TRIP4: variants seen among roughly 807,000 people sequenced by gnomAD.
TRIP4 encodes the protein activating signal cointegrator 1.
TRIP4 carries 54 observed loss-of-function variants against 81.8 expected under a neutral mutation model. The observed-to-expected ratio is 0.66, with a 90% CI of 0.53 to 0.83. The LOEUF (loss-of-function observed/expected upper bound fraction) is 0.83, where lower values mean the gene tolerates loss of function less well. Ranked by LOEUF, TRIP4 falls within the 40% of genes least tolerant of loss-of-function variation. The pLI is 0.00. For synonymous variants in TRIP4, 270 were observed against 242.8 expected (o/e 1.11, Z -1.04); for missense variants, 662 against 683.6 (o/e 0.97, Z 0.35).
At position 64,418,764 on chromosome 15, in the gene TRIP4, T is replaced by G. The variant is rs1206205635; in HGVS notation, c.1358+36T>G. The G allele has an allele frequency of 7.2e-6, 11 of 1,527,878 alleles. No homozygotes were observed. The South Asian group carries it at 1.4e-4, about 19-fold the overall frequency. 94.6% of individuals were successfully genotyped at this position (1,527,878 alleles called of 1,614,324 possible). A position where few individuals can be genotyped will look rare whatever the true frequency, so the allele number is the denominator to read the frequency against. ...AAATGAATCTGGGCAGTGGAAGATC[T>G]TAGAGTGACATAAATTTAATTTAGA... On this transcript the variant is annotated intron_variant, in intron 9 of 12. Transcript: ENST00000261884.
At chr15:64,437,714 G>A (rs1892434426) in intron 11 of TRIP4, among the ~76,000 whole-genome samples, 2 of 152,120 alleles carry the variant, frequency 1.3e-5, no homozygotes, top group Non-Finnish European at 2.9e-5. Context: ...GGCTGGTCTG[G>A]AACTACTGTC....
chr15:64,443,177 T>G (rs1196434562), intron 11 of TRIP4, among the ~76,000 whole-genome samples: 1 of 152,078 alleles, frequency 6.6e-6, no homozygotes, highest in East Asian at 1.9e-4. Flanking sequence ...TTGATGAATT[T>G]TGTTGTAATG....
intron 12 of TRIP4, 86 bp from the exon 13 acceptor site, chr15:64,454,911 C>A: frequency 8.4e-7 from 1 of 1,197,538 alleles, no homozygotes; most frequent in South Asian, 1.3e-5. Flanking sequence ...GACAGGAACA[C>A]AGTAACCAGA....
chr15:64,414,649 T>C (rs1891852928), intron 8 of TRIP4, among the ~76,000 whole-genome samples: 1 of 150,548 alleles, frequency 6.6e-6, no homozygotes, highest in Admixed American at 6.7e-5. Flanking sequence ...CCTGAGTAGC[T>C]GGGACTACAG....
intron 7 of TRIP4, among the ~76,000 whole-genome samples, chr15:64,413,854 G>A (rs181674484): frequency 2.8e-3 from 429 of 152,178 alleles, no homozygotes; most frequent in Non-Finnish European, 5.4e-3. Context: ...CCAAAGTCCT[G>A]GAATTACAGG....
intron 1 of TRIP4, chr15:64,388,181 G>A: frequency 1.3e-6 from 1 of 761,870 alleles, no homozygotes; most frequent in Non-Finnish European, 1.8e-6. Flanking sequence ...CTTTTTTCCT[G>A]GGAAGACGCC....
At chr15:64,399,413 C>T (rs1260579212) in intron 4 of TRIP4, among the ~76,000 whole-genome samples, 1 of 152,262 alleles carries the variant, frequency 6.6e-6, no homozygotes, top group South Asian at 2.1e-4. Context: ...GGCAGGAACT[C>T]TGTGTGTCAT....
At chr15:64,394,501 A>G (rs976135767) in intron 2 of TRIP4, among the ~76,000 whole-genome samples, 1 of 150,810 alleles carries the variant, frequency 6.6e-6, no homozygotes, top group Non-Finnish European at 1.5e-5. Context: ...GCTACTCAGG[A>G]GGCTGAGGCA....
chr15:64,451,704 A>T (rs566784162), intron 12 of TRIP4, among the ~76,000 whole-genome samples: 4 of 149,698 alleles, frequency 2.7e-5, no homozygotes, highest in Admixed American at 2.7e-4. Context: ...CCCAGGCTGG[A>T]GTGCAATGGT....
At chr15:64,397,936 T>C in intron 4 of TRIP4, 118 bp downstream of exon 4, 1 of 1,157,984 alleles carries the variant, frequency 8.6e-7, no homozygotes, top group Non-Finnish European at 1.2e-6. Context: ...AGTCTCACTT[T>C]GTCGCCCAGG....
At chr15:64,433,713 G>GAGT (rs1179913987) in intron 11 of TRIP4, among the ~76,000 whole-genome samples, 2 of 152,212 alleles carry the variant, frequency 1.3e-5, no homozygotes, top group African/African-American at 4.8e-5. Context: ...CAAGGATGAG[G>GAGT]AGTAATGGGA....
intron 7 of TRIP4, among the ~76,000 whole-genome samples, chr15:64,411,765 C>T (rs180758275): frequency 3.8e-4 from 57 of 151,844 alleles, no homozygotes; most frequent in South Asian, 1.3e-3. Context: ...CTGCAAGCTC[C>T]GCCTCCCAGA....
At chr15:64,447,825 C>T (rs1892667011) in intron 12 of TRIP4, among the ~76,000 whole-genome samples, 1 of 152,206 alleles carries the variant, frequency 6.6e-6, no homozygotes, top group East Asian at 1.9e-4. Context: ...AATCCTCCCA[C>T]CTCAGCCCCC....
chr15:64,406,392 C>A lies in TRIP4; in HGVS notation c.760C>A (p.Arg254=), dbSNP rs869312827. Residue 254 remains arginine (R), a synonymous_variant, in exon 6 of 13, where the codon CGA becomes AGA. Coordinates refer to ENST00000261884, the MANE Select transcript of TRIP4 (RefSeq NM_016213.5). ...GGACCTTCTTCCTCATCAAGAATTGCGAATTAAGTCTGGTCTGGAGAAGGC... is the reference window on the plus strand; with the variant it reads ...GGACCTTCTTCCTCATCAAGAATTGAGAATTAAGTCTGGTCTGGAGAAGGC... ...TKDLLPHQEL[R]IKSGLEKAIK... 3 of 1,613,996 alleles carry A rather than the reference C, an allele frequency of 1.9e-6. No homozygotes were observed. The highest frequency in any genetic ancestry group is 2.5e-6 in the Non-Finnish European group (3 of 1,179,992).
rs1398484527 is a variant in TRIP4 at position 64,409,821 on chromosome 15, C to T, written c.1036C>T (p.His346Tyr). 6.2e-7 allele frequency: 1 copy of T among 1,613,906 alleles called. No individual in the cohort carries two copies. The highest frequency in any genetic ancestry group is 8.5e-7 in the Non-Finnish European group (1 of 1,179,944). Residue 346 changes from histidine to tyrosine, a missense_variant, in exon 7 of 13, where the codon CAT (histidine) becomes TAT (tyrosine). By Grantham distance (83) the His-to-Tyr change is moderately conservative. Transcript: ENST00000261884. The part of the protein sequence containing the change: ...LEEENSLAEY[H>Y]SRLDETIQAI... ...AGAAGAAAATTCACTAGCAGAGTATCATAGCAGGTAAGTGAGCAGCACTAG... is the reference window on the plus strand; with the variant it reads ...AGAAGAAAATTCACTAGCAGAGTATTATAGCAGGTAAGTGAGCAGCACTAG...
In TRIP4 at chr15:64,420,206, C is replaced by G. The variant is rs555342990; in HGVS notation, c.1358+1478C>G. Among the ~76,000 whole-genome samples the G allele has an allele frequency of 1.3e-4, 20 of 151,710 alleles. No homozygotes were observed. The South Asian group carries it at 2.1e-3, about 16-fold the overall frequency. The stretch of plus-strand genomic sequence containing the variant: ...GTGCGTTATCAGCTCACTGCAACCT[C>G]CACCTCCCGGGTTCAAGCCATTCTC... On this transcript the variant is annotated intron_variant, in intron 9 of 12. Transcript: ENST00000261884.
At chr15:64,449,757 G>A (rs1256923401) in intron 12 of TRIP4, among the ~76,000 whole-genome samples, 1 of 152,054 alleles carries the variant, frequency 6.6e-6, no homozygotes, top group African/African-American at 2.4e-5. Flanking sequence ...CTCTGTGTCT[G>A]CTTTATATAG....
rs755063695 is a variant in TRIP4 at position 64,418,731 on chromosome 15, A to T, written c.1358+3A>T. On this transcript the variant is annotated splice_donor_region_variant and intron_variant, in intron 9 of 12. Coordinates refer to ENST00000261884, the MANE Select transcript of TRIP4 (RefSeq NM_016213.5). ...CTGCTTGTCAGAGGGATTAAAAGGT[A>T]AGAATAAAAATGAATCTGGGCAGTG... is the stretch of plus-strand genomic sequence containing the variant. The T allele has an allele frequency of 6.2e-7, 1 of 1,602,170 alleles. No individual in the cohort carries two copies. The highest frequency in any genetic ancestry group is 1.1e-5 in the South Asian group (1 of 89,532).
chr15:64,425,581 G>T lies in TRIP4; in HGVS notation c.1525G>T (p.Gly509Cys). 1 of 1,612,932 alleles carries T rather than the reference G, an allele frequency of 6.2e-7. No homozygotes were observed. Among genetic ancestry groups the T allele is most frequent in the Non-Finnish European group, 8.5e-7 (1 of 1,179,522 alleles). Residue 509 changes from glycine (G) to cysteine (C), a missense_variant, in exon 11 of 13, where the codon GGC becomes TGC. Gly to Cys is a radical substitution (Grantham distance 159). Transcript: ENST00000261884. ...PNDYPSGCLL[G>C]CVDLIDCLSQ... ...TGACTATCCGTCAGGTTGTCTTCTG[G>T]GCTGTGTGGACCTAATTGACTGCTT...
Sources: gnomAD v4.1 joint callset for allele counts (sites outside exome capture counted in the v4.1 genomes callset) on GRCh38, gnomAD v4.1.1 for gene constraint, MANE v1.5 for transcripts, NCBI Gene and HGNC (gene_info 2026-07-23, HGNC 2026-07-21) for gene names.